Variants in ECE1 observed in about 807,000 individuals in gnomAD.
ECE1 encodes endothelin-converting enzyme 1.
A neutral mutation model predicts 98.6 loss-of-function variants in ECE1; 35 were observed. That is an observed-to-expected ratio of 0.35 (90% CI 0.27 to 0.47). The LOEUF (loss-of-function observed/expected upper bound fraction) is 0.47, where lower values mean the gene tolerates loss of function less well. Among genes scored for constraint, ECE1 ranks in the 20% least tolerant of loss-of-function variants. ECE1 has a pLI of 1.00. For synonymous variants in ECE1, 394 were observed against 407.1 expected, an observed-to-expected ratio of 0.97 and a Z score of 0.39; for missense variants, 814 against 1,025.3, an observed-to-expected ratio of 0.79 and a Z score of 2.81.
At chr1:21,296,867 C>A (rs1638367358) in intron 1 of ECE1, among the ~76,000 whole-genome samples, 3 of 152,148 alleles carry the variant, frequency 2.0e-5, no homozygotes, top group Admixed American at 2.0e-4. Flanking sequence ...ACTGCTGGGG[C>A]CTGGAGAGGG....
intron 1 of ECE1, among the ~76,000 whole-genome samples, chr1:21,324,239 C>T (rs966364605): frequency 2.0e-5 from 3 of 152,106 alleles, no homozygotes; most frequent in Non-Finnish European, 4.4e-5. Flanking sequence ...TGGGCTCAAG[C>T]GATCCTCTTG....
At chr1:21,284,484 G>A (rs1431477817) in intron 2 of ECE1, among the ~76,000 whole-genome samples, 1 of 152,218 alleles carries the variant, frequency 6.6e-6, no homozygotes, top group Admixed American at 6.5e-5. Flanking sequence ...AAAAGAGAGA[G>A]GTGGAGAATG....
intron 4 of ECE1, among the ~76,000 whole-genome samples, chr1:21,269,544 C>T (rs1272247676): frequency 3.3e-5 from 5 of 152,212 alleles, no homozygotes; most frequent in Admixed American, 3.3e-4. Flanking sequence ...TCTGGGTGAC[C>T]TCTCTGCAGT....
chr1:21,344,219 G>T (rs1037385939), intron 1 of ECE1, among the ~76,000 whole-genome samples: 1 of 152,186 alleles, frequency 6.6e-6, no homozygotes, highest in African/African-American at 2.4e-5. Flanking sequence ...CACAGCAGGG[G>T]CTGGGAACCA....
chr1:21,240,180 A>AAAAC (rs1438465871), intron 10 of ECE1, among the ~76,000 whole-genome samples: 1 of 146,236 alleles, frequency 6.8e-6, no homozygotes, highest in Non-Finnish European at 1.5e-5. Context: ...ATTGAAAACA[A>AAAAC]AAACAAACAA....
In ECE1 at chr1:21,251,338, C is replaced by T. The variant is rs913819623; in HGVS notation, c.1021-3975G>A. On this transcript the variant is annotated intron_variant, in intron 8 of 18. Coordinates refer to ENST00000374893, the MANE Select transcript of ECE1 (RefSeq NM_001397.3). ...GACCAGCCTGGCCAACATGATGAAA[C>T]CCTATCTCTGCTAAAAGTATAAAAA... 2.0e-5 allele frequency among the ~76,000 whole-genome samples: 3 copies of T among 152,014 alleles called. No homozygotes were observed. In the South Asian group the frequency reaches 6.2e-4, roughly 32 times the overall value.
chr1:21,238,356 G>T, intron 10 of ECE1, 112 bp from the exon 11 acceptor site: 1 of 875,056 alleles, frequency 1.1e-6, no homozygotes. Context: ...GGAAGTTCAG[G>T]GAGAGCTTTC....
Position 21,260,163 on chromosome 1 carries a change from GC to G in ECE1, c.615+107del. The G allele has an allele frequency of 6.7e-7, 1 of 1,499,292 alleles. No individual in the cohort carries two copies. Among genetic ancestry groups the G allele is most frequent in the Admixed American group, 1.7e-5 (1 of 59,660 alleles). 92.9% of individuals were successfully genotyped at this position (1,499,292 alleles called of 1,614,324 possible). The stretch of plus-strand genomic sequence containing the variant: ...TTCTGTCTTTCTCTTGGTGCTACCG[GC>G]TGGACGTATGAGGTGGGCCAGTGGT... On this transcript the variant is annotated intron_variant, in intron 5 of 18. Transcript: ENST00000374893. The surrounding 1 kb of genome is among the most constrained non-coding windows in gnomAD (Gnocchi z 4.3).
intron 8 of ECE1, among the ~76,000 whole-genome samples, chr1:21,253,663 T>C (rs1229612402): frequency 6.7e-6 from 1 of 149,112 alleles, no homozygotes; most frequent in Non-Finnish European, 1.5e-5. Flanking sequence ...CTCGGGAGGC[T>C]GAGGTGGGAG....
intron 1 of ECE1, among the ~76,000 whole-genome samples, chr1:21,325,444 G>C (rs118163073): frequency 1.3e-5 from 2 of 152,218 alleles, no homozygotes; most frequent in Admixed American, 1.3e-4. Flanking sequence ...CACCAGAAAG[G>C]GCACTCCCTG....
chr1:21,316,209 GC>G (rs1638829453), intron 1 of ECE1, among the ~76,000 whole-genome samples: 1 of 152,158 alleles, frequency 6.6e-6, no homozygotes, highest in African/African-American at 2.4e-5. Context: ...AATATTGTTG[GC>G]CTGTTCTCTC....
intron 1 of ECE1, among the ~76,000 whole-genome samples, chr1:21,304,356 C>G (rs1323717024): frequency 6.9e-6 from 1 of 144,106 alleles, no homozygotes; most frequent in Non-Finnish European, 1.5e-5. Flanking sequence ...TACGCCAATG[C>G]TGGGACCACA....
chr1:21,280,787 C>T (rs1315758509), intron 2 of ECE1, among the ~76,000 whole-genome samples: 2 of 151,960 alleles, frequency 1.3e-5, no homozygotes, highest in South Asian at 2.1e-4. Flanking sequence ...TGAGAAGCCA[C>T]GTGGCCATGG....
intron 2 of ECE1, 186 bp from the exon 3 acceptor site, chr1:21,279,518 T>G: frequency 6.8e-7 from 1 of 1,460,478 alleles, no homozygotes; most frequent in South Asian, 1.4e-5. Flanking sequence ...CCTGCTCAGC[T>G]GCTCGGATCT....
In ECE1 at chr1:21,345,227, G is replaced by T; in HGVS notation, c.3+149C>A. ...CTGCCCGGGCGCTCCCCGACTCCACGCCTTCCGAGAGCCGGGCGGGGGCTG... is the reference window on the plus strand; with the variant it reads ...CTGCCCGGGCGCTCCCCGACTCCACTCCTTCCGAGAGCCGGGCGGGGGCTG... On this transcript the variant is annotated intron_variant, in intron 1 of 18. Coordinates refer to the ECE1 transcript ENST00000415912. This position sits in a 1 kb window ranked among gnomAD's most constrained non-coding sequence, Gnocchi z 5.1. 1.9e-6 allele frequency: 2 copies of T among 1,077,888 alleles called. No individual in the cohort carries two copies. The highest frequency in any genetic ancestry group is 2.3e-6 in the Non-Finnish European group (2 of 870,158). 66.8% of individuals were successfully genotyped at this position (1,077,888 alleles called of 1,614,324 possible). A position where few individuals can be genotyped will look rare whatever the true frequency, so the allele number is the denominator to read the frequency against.
intron 12 of ECE1, among the ~76,000 whole-genome samples, chr1:21,236,206 G>A (rs991375495): frequency 3.9e-5 from 6 of 152,246 alleles, no homozygotes; most frequent in Middle Eastern, 3.2e-3. Flanking sequence ...GACGTGCTGC[G>A]TTTTCCTGCA....
rs892164711 is a variant in ECE1 at position 21,260,414 on chromosome 1, T to C, written c.494-22A>G. On this transcript the variant is annotated intron_variant, in intron 4 of 18. Transcript: ENST00000374893. This position sits in a 1 kb window ranked among gnomAD's most constrained non-coding sequence, Gnocchi z 4.3. ...TTTTCTGGAACAACAGACAGTGGAG[T>C]TTGCAATGCGGCCCCACTTGCCCAC... 6.2e-7 allele frequency: 1 copy of C among 1,613,840 alleles called. No individual in the cohort carries two copies. Among genetic ancestry groups the C allele is most frequent in the Non-Finnish European group, 8.5e-7 (1 of 1,179,990 alleles).
chr1:21,295,967 A>G lies in ECE1; in HGVS notation c.4-5811T>C, dbSNP rs141927612. Among the ~76,000 whole-genome samples, 123 of 152,288 alleles carry G rather than the reference A, an allele frequency of 8.1e-4. 1 individual carries two copies. The highest frequency in any genetic ancestry group is 2.8e-3 in the African/African-American group (115 of 41,550). ...GAACATGAACTGCCTGGCATCCAGC[A>G]GCCCAAGCCTGCGTGAACCACACCA... On this transcript the variant is annotated intron_variant, in intron 1 of 18. Transcript: ENST00000415912.
chr1:21,285,034 T>G (rs141680600), intron 2 of ECE1, among the ~76,000 whole-genome samples: 51 of 152,218 alleles, frequency 3.4e-4, no homozygotes, highest in African/African-American at 1.2e-3. Flanking sequence ...CAGTAAAGTT[T>G]CCATGAGGTG....
Sources: gnomAD v4.1 joint callset for allele counts (sites outside exome capture counted in the v4.1 genomes callset) on GRCh38, gnomAD v4.1.1 for gene constraint, Gnocchi (gnomAD v3.1) non-coding constraint, MANE v1.5 for transcripts, NCBI Gene and HGNC (gene_info 2026-07-23, HGNC 2026-07-21) for gene names.